GRIK2: variants seen among roughly 807,000 people sequenced by gnomAD.
The protein encoded by GRIK2 is glutamate ionotropic receptor kainate type subunit 2.
In GRIK2, 32 loss-of-function variants were observed where a neutral mutation model predicts 100.3. The ratio of observed to expected loss-of-function variants is 0.32; its 90% CI spans 0.24 to 0.43. The LOEUF is 0.43. Among genes scored for constraint, GRIK2 ranks in the 20% least tolerant of loss-of-function variants. The pLI, the probability that GRIK2 is intolerant of heterozygous loss-of-function variation, is 1.00. For missense variants in GRIK2, 843 were observed against 1,114.9 expected (o/e 0.76, Z 3.47); for synonymous variants, 417 against 389.4 (o/e 1.07, Z -0.83).
chr6:101,963,228 T>G (rs1792416570), intron 14 of GRIK2, among the ~76,000 whole-genome samples: 1 of 149,222 alleles, frequency 6.7e-6, no homozygotes. Context: ...GATTTAGGAC[T>G]TATATATCTT....
chr6:101,461,191 A>G (rs1007922048), intron 2 of GRIK2, among the ~76,000 whole-genome samples: 1 of 152,210 alleles, frequency 6.6e-6, no homozygotes, highest in Non-Finnish European at 1.5e-5. Context: ...TGCTGATATA[A>G]CAATTACTGC....
At chr6:101,686,128 C>T (rs1477806636) in intron 6 of GRIK2, 52 bp from the exon 7 acceptor site, 2 of 1,455,152 alleles carry the variant, frequency 1.4e-6, no homozygotes, top group Non-Finnish European at 1.9e-6. Flanking sequence ...GTAATACATG[C>T]CTGTGAAGAT....
chr6:101,456,673 A>G (rs1455243384), intron 2 of GRIK2, among the ~76,000 whole-genome samples: 1 of 80,560 alleles, frequency 1.2e-5, no homozygotes, highest in Non-Finnish European at 2.4e-5. Flanking sequence ...GTGTGTGAAT[A>G]CAAGCTTAAT....
intron 14 of GRIK2, among the ~76,000 whole-genome samples, chr6:101,966,818 A>C (rs1303421939): frequency 2.0e-5 from 3 of 152,146 alleles, no homozygotes; most frequent in African/African-American, 7.2e-5. Flanking sequence ...AAGTCTTATA[A>C]TCCAAGGCAA....
intron 7 of GRIK2, among the ~76,000 whole-genome samples, chr6:101,747,886 A>G (rs1377421469): frequency 6.6e-6 from 1 of 152,156 alleles, no homozygotes; most frequent in African/African-American, 2.4e-5. Context: ...CAACAATCTT[A>G]TCTTACTTTG....
intron 14 of GRIK2, among the ~76,000 whole-genome samples, chr6:101,988,132 T>TGTGTGTGTGTGTGTGC (rs1231517176): frequency 6.8e-5 from 2 of 29,552 alleles, no homozygotes; most frequent in African/African-American, 2.0e-4. Flanking sequence ...TGTGTGTGTG[T>TGTGTGTGTGTGTGTGC]GCGCGCGCGC....
chr6:101,918,279 G>GA (rs952902067), intron 12 of GRIK2, among the ~76,000 whole-genome samples: 1 of 151,428 alleles, frequency 6.6e-6, no homozygotes, highest in Non-Finnish European at 1.5e-5. Flanking sequence ...TCAGCTTAAG[G>GA]AAAAAAAGTG....
chr6:101,750,279 G>A (rs184874038), intron 7 of GRIK2, among the ~76,000 whole-genome samples: 213 of 152,280 alleles, frequency 1.4e-3, no homozygotes, highest in Non-Finnish European at 2.4e-3. Context: ...ACAGGGCTAG[G>A]ATTTGAACAT....
intron 2 of GRIK2, among the ~76,000 whole-genome samples, chr6:101,581,113 T>C (rs1778062988): frequency 6.6e-6 from 1 of 151,700 alleles, no homozygotes; most frequent in Non-Finnish European, 1.5e-5. Context: ...CCAGCACACA[T>C]TAGGCATGTG....
At chr6:101,446,690 CT>C (rs779438364) in intron 2 of GRIK2, among the ~76,000 whole-genome samples, 1 of 151,600 alleles carries the variant, frequency 6.6e-6, no homozygotes, top group Non-Finnish European at 1.5e-5. Flanking sequence ...TCAAACTATT[CT>C]TGAATATTGA....
At chr6:101,426,191 C>T (rs891809802) in intron 2 of GRIK2, among the ~76,000 whole-genome samples, 2 of 152,150 alleles carry the variant, frequency 1.3e-5, no homozygotes, top group Admixed American at 6.5e-5. Context: ...GGCTCTGGAG[C>T]CAGACCTCTG....
chr6:101,435,705 GT>G (rs1769676742), intron 2 of GRIK2, among the ~76,000 whole-genome samples: 2 of 152,086 alleles, frequency 1.3e-5, no homozygotes, highest in South Asian at 4.2e-4. Flanking sequence ...AAAGATCATT[GT>G]TTTGTTCTTT....
chr6:101,667,992 A>G (rs1419677132), intron 4 of GRIK2, among the ~76,000 whole-genome samples: 1 of 152,164 alleles, frequency 6.6e-6, no homozygotes, highest in African/African-American at 2.4e-5. Context: ...TATCAAGCTA[A>G]AATGTTTTAA....
intron 12 of GRIK2, 48 bp from the exon 13 acceptor site, chr6:101,924,553 C>T (rs777724559): frequency 2.1e-6 from 2 of 947,888 alleles, no homozygotes; most frequent in Non-Finnish European, 3.4e-6. Context: ...GATAGAATTT[C>T]TTCCCACTGC....
At chr6:101,718,031 C>G (rs779121311) in intron 7 of GRIK2, among the ~76,000 whole-genome samples, 29 of 151,800 alleles carry the variant, frequency 1.9e-4, no homozygotes, top group Middle Eastern at 6.8e-3. Flanking sequence ...ACCTATGTTT[C>G]TTTGCCAGGT....
At chr6:101,929,784 A>C (rs2128472049) in intron 14 of GRIK2, among the ~76,000 whole-genome samples, 1 of 152,278 alleles carries the variant, frequency 6.6e-6, no homozygotes, top group South Asian at 2.1e-4. Flanking sequence ...GATTTAGTCA[A>C]ATATTTAAAA....
chr6:101,640,374 T>C (rs1247762074), intron 4 of GRIK2, among the ~76,000 whole-genome samples: 3 of 152,208 alleles, frequency 2.0e-5, no homozygotes, highest in Non-Finnish European at 4.4e-5. Context: ...TGAAATGTGA[T>C]AAGTGGCATT....
chr6:101,847,773 G>A (rs1217969505), intron 10 of GRIK2, among the ~76,000 whole-genome samples: 3 of 152,026 alleles, frequency 2.0e-5, no homozygotes, highest in Non-Finnish European at 4.4e-5. Flanking sequence ...CACTGGTTAT[G>A]TGCATGGACT....
intron 4 of GRIK2, among the ~76,000 whole-genome samples, chr6:101,664,418 C>A (rs899242020): frequency 5.9e-5 from 9 of 152,140 alleles, no homozygotes; most frequent in African/African-American, 2.2e-4. Context: ...GAGATGCAAG[C>A]AAATTTTAAT....
Sources: gnomAD v4.1 joint callset for allele counts (sites outside exome capture counted in the v4.1 genomes callset) on GRCh38, gnomAD v4.1.1 for gene constraint, MANE v1.5 for transcripts, NCBI Gene and HGNC (gene_info 2026-07-23, HGNC 2026-07-21) for gene names.